C6orf141: variants seen among roughly 807,000 people sequenced by gnomAD.
The protein encoded by C6orf141 is chromosome 6 open reading frame 141.
For missense variants in C6orf141, 361 were observed against 335.8 expected, an observed-to-expected ratio of 1.07 and a Z score of -0.59; for synonymous variants, 164 against 140.5, an observed-to-expected ratio of 1.17 and a Z score of -1.18.
chr6:49,555,958 A>T (rs1771847555), downstream of C6orf141, among the ~76,000 whole-genome samples: 1 of 152,234 alleles, frequency 6.6e-6, no homozygotes, highest in Admixed American at 6.5e-5. Flanking sequence ...ACATATATAC[A>T]TACATCTTTC....
intron 4 of C6orf141, among the ~76,000 whole-genome samples, chr6:49,558,032 C>A (rs1013947388): frequency 9.7e-5 from 14 of 144,244 alleles, no homozygotes; most frequent in Admixed American, 7.7e-4. Context: ...GCTGAGACTA[C>A]AAGTGCATGC....
chr6:49,551,408 C>CG (rs1561990707), exon 1 of C6orf141: 1 of 1,551,652 alleles, frequency 6.4e-7, no homozygotes, highest in Non-Finnish European at 8.7e-7. Flanking sequence ...GCCTGGGGAA[C>CG]GCTGGGGCCC....
downstream of C6orf141, among the ~76,000 whole-genome samples, chr6:49,555,570 G>A (rs986036991): frequency 3.5e-5 from 5 of 142,758 alleles, no homozygotes; most frequent in African/African-American, 7.8e-5. Flanking sequence ...GTGCAGTGGC[G>A]CAATCTTCGC....
chr6:49,551,219 AG>A, exon 1 of C6orf141: 1 of 1,551,592 alleles, frequency 6.4e-7, no homozygotes, highest in African/African-American at 1.4e-5. Flanking sequence ...AATTTCTGGC[AG>A]GCGTGTAGCC....
intron 4 of C6orf141, among the ~76,000 whole-genome samples, chr6:49,558,951 C>T (rs1444322871): frequency 6.6e-6 from 1 of 151,698 alleles, no homozygotes; most frequent in Admixed American, 6.6e-5. Flanking sequence ...TCGTGATCCA[C>T]CTGCCTCGGC....
downstream of C6orf141, among the ~76,000 whole-genome samples, chr6:49,553,514 A>C (rs188740861): frequency 6.6e-6 from 1 of 152,340 alleles, no homozygotes; most frequent in African/African-American, 2.4e-5. Context: ...ACCTGAGCTT[A>C]TTAATTTGGT....
At chr6:49,561,311 C>T (rs1265363385) in intron 4 of C6orf141, among the ~76,000 whole-genome samples, 1 of 152,124 alleles carries the variant, frequency 6.6e-6, no homozygotes, top group Non-Finnish European at 1.5e-5. Context: ...GTTGGCCAGG[C>T]TGGTCTCAAA....
rs1052247949 is a variant in C6orf141, at chr6:49,552,060, G to A, written c.*533G>A. The A allele has an allele frequency of 1.8e-6, 1 of 542,958 alleles. No individual in the cohort carries two copies. The highest frequency in any genetic ancestry group is 2.4e-6 in the Non-Finnish European group (1 of 412,668). The allele number at this position is 542,958 out of a possible 1,614,324, so 33.6% of individuals were successfully genotyped here. ...TTTCATTTTTCTCCCCCACATTTCA[G>A]TGTTAGAAAGAAAACGAGAGGAGCT... On this transcript the variant is annotated 3_prime_UTR_variant, in exon 1 of 1. Coordinates refer to ENST00000529246, the MANE Select transcript of C6orf141 (RefSeq NM_001145652.2).
intron 4 of C6orf141, among the ~76,000 whole-genome samples, chr6:49,558,980 T>G (rs1481252289): frequency 6.6e-6 from 1 of 151,666 alleles, no homozygotes; most frequent in Non-Finnish European, 1.5e-5. Context: ...GTGGTGGGAT[T>G]ACAGGCATGA....
At chr6:49,561,273 T>C (rs1418303064) in intron 4 of C6orf141, among the ~76,000 whole-genome samples, 1 of 152,084 alleles carries the variant, frequency 6.6e-6, no homozygotes, top group African/African-American at 2.4e-5. Context: ...AATTCTTGTA[T>C]TTTTAGTAGA....
intron 4 of C6orf141, among the ~76,000 whole-genome samples, chr6:49,558,821 C>T (rs1470271708): frequency 6.6e-6 from 1 of 151,890 alleles, no homozygotes; most frequent in Non-Finnish European, 1.5e-5. Flanking sequence ...GATTCTCCTG[C>T]CTCAGCCTCC....
intron 4 of C6orf141, among the ~76,000 whole-genome samples, chr6:49,559,054 G>C (rs1225330394): frequency 1.3e-5 from 2 of 151,072 alleles, no homozygotes; most frequent in Non-Finnish European, 3.0e-5. Flanking sequence ...TAATGACAAA[G>C]AGCAGAAGAC....
rs1027534518 is a variant in C6orf141, at chr6:49,561,286, C to A, written c.*764-418C>A. ...CTAATTCTTGTATTTTTAGTAGAGACGGAGTTTTTACTATGTTGGCCAGGC... is the reference window on the plus strand; with the variant it reads ...CTAATTCTTGTATTTTTAGTAGAGAAGGAGTTTTTACTATGTTGGCCAGGC... On this transcript the variant is annotated intron_variant and NMD_transcript_variant, in intron 4 of 4. Transcript: ENST00000371194. 3.2e-4 allele frequency among the ~76,000 whole-genome samples: 48 copies of A among 151,828 alleles called. 1 individual carries two copies. The highest frequency in any genetic ancestry group is 2.1e-4 in the South Asian group (1 of 4,792).
chr6:49,558,302 T>C (rs371591645), intron 4 of C6orf141, among the ~76,000 whole-genome samples: 1 of 151,902 alleles, frequency 6.6e-6, no homozygotes, highest in East Asian at 1.9e-4. Flanking sequence ...TTTAGTTATG[T>C]TCTGCTTGGA....
chr6:49,551,666 A>C lies in C6orf141; in HGVS notation c.*139A>C. The C allele has an allele frequency of 6.8e-7, 1 of 1,467,824 alleles. No individual in the cohort carries two copies. The highest frequency in any genetic ancestry group is 2.5e-5 in the East Asian group (1 of 40,362). The allele number at this position is 1,467,824 out of a possible 1,614,324, so 90.9% of individuals were successfully genotyped here. ...CTGGTGCAGCGCTTCGGGGAGGCAG[A>C]TTAAGAACTGTAAGCAGCATAATAC... On this transcript the variant is annotated 3_prime_UTR_variant, in exon 1 of 1. Transcript: ENST00000529246.
At chr6:49,554,666 GC>G (rs2127287559), downstream of C6orf141, among the ~76,000 whole-genome samples, 1 of 152,116 alleles carries the variant, frequency 6.6e-6, no homozygotes, top group African/African-American at 2.4e-5. Flanking sequence ...ACAGGCCTGA[GC>G]CACCATGCCC....
At position 49,551,961 on chromosome 6, in the gene C6orf141, A is replaced by G. The variant is rs1770742670; in HGVS notation, c.*434A>G. On this transcript the variant is annotated 3_prime_UTR_variant, in exon 1 of 1. Transcript: ENST00000529246. Reference sequence around the variant, plus strand: ...GGGTGGAGAAGAGGCTTGTTTTAAAAGCCAAAAACAGAAAGTAAAAAGAAA... The same window carrying G: ...GGGTGGAGAAGAGGCTTGTTTTAAAGGCCAAAAACAGAAAGTAAAAAGAAA... The G allele has an allele frequency of 2.0e-6, 2 of 1,010,090 alleles. No individual in the cohort carries two copies. The highest frequency in any genetic ancestry group is 2.4e-6 in the Non-Finnish European group (2 of 836,928). The allele number at this position is 1,010,090 out of a possible 1,614,324, so 62.6% of individuals were successfully genotyped here.
chr6:49,551,198 C>A lies in C6orf141; in HGVS notation c.406C>A (p.Arg136=), dbSNP rs1392218281. 3.9e-6 allele frequency: 6 copies of A among 1,551,596 alleles called. No individual in the cohort carries two copies. In the South Asian group the frequency reaches 5.9e-5, roughly 15 times the overall value. The change falls in exon 1 of 1, where the codon CGA becomes AGA. Residue 136 remains arginine (R), a synonymous_variant. Coordinates refer to ENST00000529246, the MANE Select transcript of C6orf141 (RefSeq NM_001145652.2). ...EEPNYPSVFQ[R]QKRISGRRVA... is the part of the protein sequence containing the mutation. ...GCCCAACTACCCTTCTGTCTTTCAACGACAAAAGCGAATTTCTGGCAGGCG... is the reference window on the plus strand; with the variant it reads ...GCCCAACTACCCTTCTGTCTTTCAAAGACAAAAGCGAATTTCTGGCAGGCG...
At position 49,551,656 on chromosome 6, in the gene C6orf141, G is replaced by T; in HGVS notation, c.*129G>T. ...TTTTGAGAGGCTGGTGCAGCGCTTCGGGGAGGCAGATTAAGAACTGTAAGC... is the reference window on the plus strand; with the variant it reads ...TTTTGAGAGGCTGGTGCAGCGCTTCTGGGAGGCAGATTAAGAACTGTAAGC... On this transcript the variant is annotated 3_prime_UTR_variant, in exon 1 of 1. Transcript: ENST00000529246. 6.8e-7 allele frequency: 1 copy of T among 1,472,896 alleles called. No homozygotes were observed. The highest frequency in any genetic ancestry group is 9.0e-7 in the Non-Finnish European group (1 of 1,115,514). 91.2% of individuals were successfully genotyped at this position (1,472,896 alleles called of 1,614,324 possible).
Sources: gnomAD v4.1 joint callset for allele counts (sites outside exome capture counted in the v4.1 genomes callset) on GRCh38, gnomAD v4.1.1 for gene constraint, MANE v1.5 for transcripts, NCBI Gene and HGNC (gene_info 2026-07-23, HGNC 2026-07-21) for gene names.